The following PPP2CA variants were observed in gnomAD, a reference collection of about 807,000 sequenced individuals.
PPP2CA encodes the protein serine/threonine-protein phosphatase 2A catalytic subunit alpha isoform.
Under a neutral mutation model 38.8 loss-of-function variants are expected in PPP2CA, and 5 were observed. That is an observed-to-expected ratio of 0.13 (90% CI 0.07 to 0.27). PPP2CA has a LOEUF of 0.27. Among genes scored for constraint, PPP2CA ranks in the 10% least tolerant of loss-of-function variants. The pLI is 1.00. For missense variants in PPP2CA, 88 were observed against 389.7 expected (o/e 0.23, Z 6.52); for synonymous variants, 152 against 134.0 (o/e 1.13, Z -0.93).
chr5:134,220,206 C>G (rs1762406175), intron 1 of PPP2CA, among the ~76,000 whole-genome samples: 1 of 151,736 alleles, frequency 6.6e-6, no homozygotes, highest in Non-Finnish European at 1.5e-5. Flanking sequence ...TGCCTGTAAT[C>G]CTAGCACTTT....
At chr5:134,222,245 A>G (rs1762462093) in intron 1 of PPP2CA, among the ~76,000 whole-genome samples, 1 of 152,158 alleles carries the variant, frequency 6.6e-6, no homozygotes, top group Non-Finnish European at 1.5e-5. Context: ...ATGTTCTGTA[A>G]CATGCTTCCC....
intron 1 of PPP2CA, among the ~76,000 whole-genome samples, chr5:134,206,492 A>G (rs1308195373): frequency 1.3e-5 from 2 of 152,284 alleles, no homozygotes; most frequent in African/African-American, 4.8e-5. Flanking sequence ...TGCAGCACTC[A>G]AAGATTCTTT....
rs553664716 is a variant in PPP2CA at position 134,205,093 on chromosome 5, C to T, written c.312+829G>A. On this transcript the variant is annotated intron_variant, in intron 2 of 6. Transcript: ENST00000481195. ...GACTACAGGCCTGTGCCACCACACT[C>T]GGTTAATTATTATTATTTTTTTGTA... Among the ~76,000 whole-genome samples, 7 of 151,916 alleles carry T rather than the reference C, an allele frequency of 4.6e-5. No homozygotes were observed. The South Asian group carries it at 6.2e-4, about 14-fold the overall frequency.
chr5:134,225,856 G>A lies in PPP2CA; in HGVS notation c.6C>T (p.Asp2=). The change falls in exon 1 of 7, where the codon GAC becomes GAT. Residue 2 remains aspartate (D), a synonymous_variant. Coordinates refer to ENST00000481195, the MANE Select transcript of PPP2CA (RefSeq NM_002715.4). The part of the protein sequence containing the change: M[D]EKVFTKELDQ... ...CCAGCTCCTTGGTGAACACCTTCTC[G>A]TCCATGATGCCACCCGCCCCAGCCG... 6.2e-7 allele frequency: 1 copy of A among 1,606,570 alleles called. No individual in the cohort carries two copies. Among genetic ancestry groups the A allele is most frequent in the Non-Finnish European group, 8.5e-7 (1 of 1,178,624 alleles).
intron 6 of PPP2CA, among the ~76,000 whole-genome samples, chr5:134,198,065 T>C (rs1227660607): frequency 6.6e-6 from 1 of 152,108 alleles, no homozygotes; most frequent in African/African-American, 2.4e-5. Flanking sequence ...AACATGGTTT[T>C]TACCTTGACT....
rs991929279 is a variant in PPP2CA at position 134,197,506 on chromosome 5, G to C, written c.*266C>G. The C allele has an allele frequency of 8.9e-6, 4 of 447,214 alleles. No individual in the cohort carries two copies. The highest frequency in any genetic ancestry group is 3.8e-5 in the South Asian group (1 of 26,450). The allele number at this position is 447,214 out of a possible 1,614,324, so 27.7% of individuals were successfully genotyped here. On this transcript the variant is annotated 3_prime_UTR_variant, in exon 7 of 7. Coordinates refer to ENST00000481195, the MANE Select transcript of PPP2CA (RefSeq NM_002715.4). The stretch of plus-strand genomic sequence containing the variant: ...CTGCAGTCTCTCAGAGAAAGCAAAA[G>C]TAACTACAAATAGCGCTATGCCAGA...
At chr5:134,215,447 C>T (rs1420429370) in intron 1 of PPP2CA, among the ~76,000 whole-genome samples, 1 of 152,054 alleles carries the variant, frequency 6.6e-6, no homozygotes, top group Non-Finnish European at 1.5e-5. Context: ...TGGTAGCCCT[C>T]GCCTGTGGTC....
chr5:134,198,603 T>C (rs1229272845), intron 6 of PPP2CA, among the ~76,000 whole-genome samples: 3 of 152,194 alleles, frequency 2.0e-5, no homozygotes, highest in Non-Finnish European at 4.4e-5. Flanking sequence ...TCTCGCTCTG[T>C]TGCCCAGGCT....
intron 1 of PPP2CA, among the ~76,000 whole-genome samples, chr5:134,206,380 C>T (rs941021213): frequency 5.9e-5 from 9 of 152,168 alleles, no homozygotes; most frequent in Admixed American, 5.2e-4. Flanking sequence ...TATCAAATAG[C>T]CATCTAATTA....
chr5:134,201,710 A>C (rs1761970286), intron 3 of PPP2CA, 138 bp downstream of exon 3: 4 of 981,024 alleles, frequency 4.1e-6, no homozygotes, highest in Non-Finnish European at 5.9e-6. Context: ...ATTTTTTTTA[A>C]GTTTGAATGA....
chr5:134,204,494 G>T (rs1435830867), intron 2 of PPP2CA, among the ~76,000 whole-genome samples: 3 of 152,138 alleles, frequency 2.0e-5, no homozygotes, highest in Non-Finnish European at 2.9e-5. Flanking sequence ...CAGGGGTCTT[G>T]CTCTGTCACA....
At chr5:134,203,953 T>C (rs1282996594) in intron 2 of PPP2CA, among the ~76,000 whole-genome samples, 1 of 152,194 alleles carries the variant, frequency 6.6e-6, no homozygotes, top group Non-Finnish European at 1.5e-5. Flanking sequence ...GGTAGCACAT[T>C]CATTCCTCTG....
intron 1 of PPP2CA, among the ~76,000 whole-genome samples, chr5:134,211,552 C>T (rs189031696): frequency 1.0e-3 from 153 of 150,502 alleles, no homozygotes; most frequent in Non-Finnish European, 1.7e-3. Flanking sequence ...TCTCGGTTCG[C>T]TGCAACCTCC....
chr5:134,225,784 G>A lies in PPP2CA; in HGVS notation c.78C>T (p.Ser26=), dbSNP rs748674675. The A allele has an allele frequency of 3.1e-6, 5 of 1,610,204 alleles. No homozygotes were observed. Among genetic ancestry groups the A allele is most frequent in the South Asian group, 1.1e-5 (1 of 90,880 alleles). The change falls in exon 1 of 7, where the codon TCC becomes TCT. Residue 26 remains serine, a synonymous_variant. Transcript: ENST00000481195. ...QLNECKQLSE[S]QVKSLCEKAK... ...CCTTCTCGCAGAGGCTCTTGACCTG[G>A]GACTCGGACAGCTGCTTGCACTCGT... is the stretch of plus-strand genomic sequence containing the variant.
chr5:134,211,769 C>A (rs545542485), intron 1 of PPP2CA, among the ~76,000 whole-genome samples: 1 of 152,028 alleles, frequency 6.6e-6, no homozygotes, highest in African/African-American at 2.4e-5. Flanking sequence ...AGCCACTGCG[C>A]CCAGTGGAAG....
At chr5:134,222,431 T>C (rs1762465700) in intron 1 of PPP2CA, among the ~76,000 whole-genome samples, 1 of 152,156 alleles carries the variant, frequency 6.6e-6, no homozygotes, top group Non-Finnish European at 1.5e-5. Flanking sequence ...GTTTTTTCCA[T>C]ACTCACGTAA....
chr5:134,217,234 C>T (rs547909870), intron 1 of PPP2CA, among the ~76,000 whole-genome samples: 3 of 151,834 alleles, frequency 2.0e-5, no homozygotes, highest in Non-Finnish European at 4.4e-5. Flanking sequence ...GAGCCAAGAC[C>T]GTGCCACTGC....
At chr5:134,211,460 T>C (rs1330631519) in intron 1 of PPP2CA, among the ~76,000 whole-genome samples, 1 of 141,690 alleles carries the variant, frequency 7.1e-6, no homozygotes, top group Non-Finnish European at 1.5e-5. Context: ...ATCCATGCTG[T>C]TTTTCATGGA....
At chr5:134,206,167 G>A (rs1221362978) in intron 1 of PPP2CA, 36 bp from the exon 2 acceptor site, 1 of 1,534,824 alleles carries the variant, frequency 6.5e-7, no homozygotes, top group Non-Finnish European at 9.0e-7. Context: ...CAATACATTT[G>A]GCATTAAACA....
Sources: gnomAD v4.1 joint callset for allele counts (sites outside exome capture counted in the v4.1 genomes callset) on GRCh38, gnomAD v4.1.1 for gene constraint, MANE v1.5 for transcripts, NCBI Gene and HGNC (gene_info 2026-07-23, HGNC 2026-07-21) for gene names.